CIDEA: variants seen among roughly 807,000 people sequenced by gnomAD.
CIDEA encodes lipid transferase CIDEA.
Under a neutral mutation model 18.2 loss-of-function variants are expected in CIDEA, and 10 were observed. That is an observed-to-expected ratio of 0.55 (90% confidence interval 0.34 to 0.93). The LOEUF (loss-of-function observed/expected upper bound fraction) is 0.93. Among genes scored for constraint, CIDEA ranks in the 40% least tolerant of loss-of-function variants. The pLI is 0.02. For missense variants in CIDEA, 309 were observed against 293.1 expected, an observed-to-expected ratio of 1.05 and a Z score of -0.40; for synonymous variants, 128 against 124.8, an observed-to-expected ratio of 1.03 and a Z score of -0.17.
chr18:12,268,887 G>A (rs1483969821), intron 3 of CIDEA, among the ~76,000 whole-genome samples: 10 of 150,218 alleles, frequency 6.7e-5, no homozygotes, highest in South Asian at 6.3e-4. Flanking sequence ...GTGCAGTGGC[G>A]TGATCTCGGC....
intron 1 of CIDEA, among the ~76,000 whole-genome samples, chr18:12,256,269 G>T (rs9954496): frequency 0.57 from 87,435 of 152,200 alleles, 27,978 homozygotes; most frequent in East Asian, 0.8. Context: ...GCTGGACTTC[G>T]GCTTCCTCTC....
Position 12,254,439 on chromosome 18 carries a change from C to T in CIDEA, c.38+18C>T, listed in dbSNP as rs781340168. ...CTCATCAGGCGAGTGCCCCGCGTCC[C>T]CCTGATTGCCGTGCGCTTCCAATCG... On this transcript the variant is annotated intron_variant, in intron 1 of 4. Coordinates refer to ENST00000320477, the MANE Select transcript of CIDEA (RefSeq NM_001279.4). 1.3e-6 allele frequency: 2 copies of T among 1,596,648 alleles called. No homozygotes were observed. The highest frequency in any genetic ancestry group is 1.3e-5 in the African/African-American group (1 of 74,816).
At chr18:12,275,133 G>A (rs562454595) in intron 4 of CIDEA, among the ~76,000 whole-genome samples, 11 of 152,340 alleles carry the variant, frequency 7.2e-5, no homozygotes, top group Admixed American at 5.9e-4. Flanking sequence ...GACCAGCCTA[G>A]CCAACATGGC....
chr18:12,254,841 G>C (rs145715239), intron 1 of CIDEA: 8 of 1,336,384 alleles, frequency 6.0e-6, no homozygotes, highest in Non-Finnish European at 7.9e-6. Context: ...GGCTTCTGGG[G>C]GTCCTGGAAA....
Position 12,264,354 on chromosome 18 carries a change from G to A in CIDEA, c.231G>A (p.Leu77=). The change falls in exon 3 of 5, where the codon CTG becomes CTA. Residue 77 remains leucine (L), a synonymous_variant. Transcript: ENST00000320477. ...CTACCGGACTGGTCACTCTGGTGCT[G>A]GAGGAAGATGGCACCGTGGTGGACA... ...VIATGLVTLV[L]EEDGTVVDTE... 1 of 1,614,020 alleles carries A rather than the reference G, an allele frequency of 6.2e-7. No homozygotes were observed. Among genetic ancestry groups the A allele is most frequent in the Non-Finnish European group, 8.5e-7 (1 of 1,179,896 alleles).
chr18:12,261,615 G>C (rs1035333644), intron 1 of CIDEA, among the ~76,000 whole-genome samples: 3 of 151,942 alleles, frequency 2.0e-5, no homozygotes, highest in Non-Finnish European at 4.4e-5. Flanking sequence ...CCAGGCTGGA[G>C]TACAGTGGTG....
chr18:12,257,014 C>A (rs746039984), intron 1 of CIDEA, among the ~76,000 whole-genome samples: 1 of 152,192 alleles, frequency 6.6e-6, no homozygotes, highest in Non-Finnish European at 1.5e-5. Context: ...AGCAGGAAGT[C>A]TCGTCAAGGC....
intron 1 of CIDEA, among the ~76,000 whole-genome samples, chr18:12,260,342 AT>A (rs918941760): frequency 4.2e-4 from 62 of 147,734 alleles, no homozygotes; most frequent in Admixed American, 1.3e-3. Flanking sequence ...CGCCTGACTA[AT>A]TTTTTTTTTC....
At chr18:12,272,161 GTT>G (rs1225430255) in intron 3 of CIDEA, among the ~76,000 whole-genome samples, 1,308 of 12,714 alleles carry the variant, frequency 0.1, 10 homozygotes, top group Non-Finnish European at 0.18. Context: ...GGGGGGGGGG[GTT>G]GGGGGGGGGT....
At position 12,262,947 on chromosome 18, in the gene CIDEA, G is replaced by A; in HGVS notation, c.161G>A (p.Ser54Asn). The A allele has an allele frequency of 6.2e-7, 1 of 1,614,138 alleles. No homozygotes were observed. Among genetic ancestry groups the A allele is most frequent in the Non-Finnish European group, 8.5e-7 (1 of 1,180,028 alleles). ...AGCCGGCGTGGGGTGATGGCAAGCA[G>A]CCTGCAGGAGCTCATCAGCAAGGTG... ...RSSRRGVMAS[S>N]LQELISKTLD... Residue 54 changes from serine (S) to asparagine (N), a missense_variant, in exon 2 of 5, where the codon AGC (serine) becomes AAC (asparagine). Transcript: ENST00000320477.
At chr18:12,274,571 T>A (rs7230317) in intron 4 of CIDEA, among the ~76,000 whole-genome samples, 10,086 of 152,300 alleles carry the variant, frequency 0.066, 428 homozygotes, top group Middle Eastern at 0.13. Flanking sequence ...AGCACTTAAT[T>A]CTAGGTGATG....
rs772568387 is a variant in CIDEA, at chr18:12,274,083, A to G, written c.331-10A>G. 1.9e-6 allele frequency: 3 copies of G among 1,613,824 alleles called. No homozygotes were observed. The highest frequency in any genetic ancestry group is 2.2e-5 in the East Asian group (1 of 44,890). Reference sequence around the variant, plus strand: ...GCTCCTGAAGCCTGCCCCTCCCCCCATTGTCACAGGGCAGCCAGCACGTCC... The same window carrying G: ...GCTCCTGAAGCCTGCCCCTCCCCCCGTTGTCACAGGGCAGCCAGCACGTCC... On this transcript the variant is annotated splice_polypyrimidine_tract_variant and intron_variant, in intron 3 of 4. Coordinates refer to ENST00000320477, the MANE Select transcript of CIDEA (RefSeq NM_001279.4).
At position 12,274,093 on chromosome 18, in the gene CIDEA, G is replaced by A. The variant is rs141729129; in HGVS notation, c.331G>A (p.Gly111Ser). Reference sequence around the variant, plus strand: ...CCTGCCCCTCCCCCCATTGTCACAGGGCAGCCAGCACGTCCCCACTTGCTC... The same window carrying A: ...CCTGCCCCTCCCCCCATTGTCACAGAGCAGCCAGCACGTCCCCACTTGCTC... The part of the protein sequence containing the change: ...ILEKGQKWMP[G>S]SQHVPTCSPP... Residue 111 changes from glycine to serine, a missense_variant and splice_region_variant, in exon 4 of 5, where the codon GGC becomes AGC. Coordinates refer to ENST00000320477, the MANE Select transcript of CIDEA (RefSeq NM_001279.4). 6.2e-7 allele frequency: 1 copy of A among 1,614,130 alleles called. No homozygotes were observed.
rs142419719 is a variant in CIDEA at position 12,274,291 on chromosome 18, G to T, written c.512+17G>T. 3.0e-4 allele frequency: 490 copies of T among 1,613,272 alleles called. 2 individuals are homozygous for T. The African/African-American group carries it at 5.9e-3, about 19-fold the overall frequency. The stretch of plus-strand genomic sequence containing the variant: ...CCTGCTGAGGTAACACACTCCAGGG[G>T]TCACCTCCGGGGGTCTGCAGACTGC... On this transcript the variant is annotated intron_variant, in intron 4 of 4. Coordinates refer to ENST00000320477, the MANE Select transcript of CIDEA (RefSeq NM_001279.4).
Position 12,274,112 on chromosome 18 carries a change from C to T in CIDEA, c.350C>T (p.Thr117Ile). ...KWMPGSQHVP[T>I]CSPPKRSGIA... is the part of the protein sequence containing the mutation. ...TCACAGGGCAGCCAGCACGTCCCCA[C>T]TTGCTCGCCGCCGAAGAGGTCGGGA... Residue 117 changes from threonine (T) to isoleucine (I), a missense_variant, in exon 4 of 5, where the codon ACT becomes ATT. By Grantham distance (89) the Thr-to-Ile change is moderately conservative. Coordinates refer to ENST00000320477, the MANE Select transcript of CIDEA (RefSeq NM_001279.4). The T allele has an allele frequency of 1.2e-6, 2 of 1,614,222 alleles. No homozygotes were observed. Among genetic ancestry groups the T allele is most frequent in the Non-Finnish European group, 1.7e-6 (2 of 1,180,034 alleles).
rs138426863 is a variant in CIDEA, at chr18:12,277,226, C to T, written c.616C>T (p.Pro206Ser). 49 of 1,614,072 alleles carry T rather than the reference C, an allele frequency of 3.0e-5. No individual in the cohort carries two copies. Among genetic ancestry groups the T allele is most frequent in the Admixed American group, 5.0e-5 (3 of 60,010 alleles). Residue 206 changes from proline (P) to serine (S), a missense_variant, in exon 5 of 5, where the codon CCA becomes TCA. Coordinates refer to ENST00000320477, the MANE Select transcript of CIDEA (RefSeq NM_001279.4). ...GGTGCTGGATGACAAGGAAGAGCGG[C>T]CATCCCTCCGGTCACAAGCCAAGGG... ...LRVLDDKEER[P>S]SLRSQAKGRF...
rs1452104081 is a variant in CIDEA at position 12,277,316 on chromosome 18, T to C, written c.*46T>C. Reference sequence around the variant, plus strand: ...TCTTGAGCCAAACACTGTGTTTCGTTTGGCTCAATGACGAATGTTGAAGAT... The same window carrying C: ...TCTTGAGCCAAACACTGTGTTTCGTCTGGCTCAATGACGAATGTTGAAGAT... On this transcript the variant is annotated 3_prime_UTR_variant, in exon 5 of 5. Transcript: ENST00000320477. The C allele has an allele frequency of 6.2e-7, 1 of 1,608,668 alleles. No individual in the cohort carries two copies. The highest frequency in any genetic ancestry group is 1.3e-5 in the African/African-American group (1 of 74,836).
intron 3 of CIDEA, among the ~76,000 whole-genome samples, chr18:12,265,875 C>T (rs754298002): frequency 6.6e-6 from 1 of 152,124 alleles, no homozygotes; most frequent in Non-Finnish European, 1.5e-5. Flanking sequence ...GCCAGGACCG[C>T]AGATGTTGGA....
At chr18:12,276,456 C>A (rs1412309856) in intron 4 of CIDEA, among the ~76,000 whole-genome samples, 1 of 152,198 alleles carries the variant, frequency 6.6e-6, no homozygotes, top group Non-Finnish European at 1.5e-5. Context: ...CCACACCTGG[C>A]CACAAAGTCT....
Sources: allele counts gnomAD v4.1 joint callset (sites outside exome capture counted in the v4.1 genomes callset), GRCh38; gene constraint gnomAD v4.1.1; transcripts MANE v1.5; gene names NCBI Gene and HGNC (gene_info 2026-07-23, HGNC 2026-07-21).